The following ATP11A variants were observed in gnomAD, a reference collection of about 807,000 sequenced individuals.
ATP11A encodes ATPase phospholipid transporting 11A.
In ATP11A, 81 loss-of-function variants were observed where a neutral mutation model predicts 154.4. That is an observed-to-expected ratio of 0.52 (90% CI 0.44 to 0.63). ATP11A has a LOEUF of 0.63. Among genes scored for constraint, ATP11A ranks in the 30% least tolerant of loss-of-function variants. ATP11A has a pLI of 0.00. For synonymous variants in ATP11A, 623 were observed against 585.9 expected (o/e 1.06, Z -0.91); for missense variants, 1,316 against 1,474.3 (o/e 0.89, Z 1.76).
At chr13:112,724,114 G>GCCCCCTTCTCCCCCATCGCCCCCTTCA (rs1424801433) in intron 1 of ATP11A, among the ~76,000 whole-genome samples, 1 of 40,938 alleles carries the variant, frequency 2.4e-5, no homozygotes, top group Non-Finnish European at 4.8e-5. Context: ...CGCCCCCTTC[G>GCCCCCTTCTCCCCCATCGCCCCCTTCA]CCCCCTTCTC....
intron 25 of ATP11A, among the ~76,000 whole-genome samples, 187 bp from the exon 26 acceptor site, chr13:112,871,548 C>T (rs567438592): frequency 6.6e-6 from 1 of 152,142 alleles, no homozygotes; most frequent in African/African-American, 2.4e-5. Flanking sequence ...TGGGGGCGTC[C>T]TGCCGTGCTC....
At chr13:112,811,574 T>TC (rs1490567596) in intron 5 of ATP11A, 1 of 152,168 alleles carries the variant, frequency 6.6e-6, no homozygotes, top group African/African-American at 2.4e-5. Context: ...ACAGAAAACT[T>TC]CATTGAAGAT....
chr13:112,789,051 C>T (rs895182032), intron 2 of ATP11A, among the ~76,000 whole-genome samples: 9 of 151,766 alleles, frequency 5.9e-5, no homozygotes, highest in African/African-American at 1.9e-4. Context: ...ACTTCATTTA[C>T]ACCAGGTGTC....
At chr13:112,726,502 G>T (rs1361866712) in intron 1 of ATP11A, among the ~76,000 whole-genome samples, 1 of 152,216 alleles carries the variant, frequency 6.6e-6, no homozygotes, top group African/African-American at 2.4e-5. Flanking sequence ...GCTTTTCCCG[G>T]CAGATTCCCA....
intron 1 of ATP11A, among the ~76,000 whole-genome samples, chr13:112,723,638 C>T (rs1178015575): frequency 2.6e-5 from 4 of 151,738 alleles, no homozygotes; most frequent in Non-Finnish European, 5.9e-5. Flanking sequence ...TGTCTAAACC[C>T]CAAAAGGGAG....
chr13:112,703,633 G>A (rs1886833043), intron 1 of ATP11A, among the ~76,000 whole-genome samples: 1 of 152,170 alleles, frequency 6.6e-6, no homozygotes, highest in Non-Finnish European at 1.5e-5. Context: ...TTTAAGTTGT[G>A]GAACAAAGTT....
chr13:112,840,840 G>T (rs2079393204), intron 16 of ATP11A, among the ~76,000 whole-genome samples: 1 of 151,958 alleles, frequency 6.6e-6, no homozygotes, highest in African/African-American at 2.4e-5. Context: ...CGGGTCGTCA[G>T]CCCGAGAGCG....
intron 1 of ATP11A, among the ~76,000 whole-genome samples, chr13:112,764,188 T>C (rs12323207): frequency 0.071 from 10,804 of 152,248 alleles, 1,303 homozygotes; most frequent in African/African-American, 0.25. Context: ...ACCCTGACCC[T>C]AGGCGTCCTG....
intron 12 of ATP11A, among the ~76,000 whole-genome samples, chr13:112,828,118 G>GAAACGCCCCGCAGTGTTGAGTGCGGGGGA (rs143513857): frequency 8.2e-6 from 1 of 122,388 alleles, no homozygotes; most frequent in Non-Finnish European, 1.7e-5. Context: ...TGAGTGGGGG[G>GAAACGCCCCGCAGTGTTGAGTGCGGGGGA]AAGCGCCCAG....
At chr13:112,718,219 A>G (rs1181743593) in intron 1 of ATP11A, among the ~76,000 whole-genome samples, 1 of 152,000 alleles carries the variant, frequency 6.6e-6, no homozygotes, top group Admixed American at 6.5e-5. Flanking sequence ...AAGAACACTC[A>G]TTGCTTTTAC....
chr13:112,814,128 A>G (rs139022643), intron 5 of ATP11A, among the ~76,000 whole-genome samples: 247 of 152,072 alleles, frequency 1.6e-3, no homozygotes, highest in African/African-American at 5.3e-3. Flanking sequence ...CAGTGGCGCA[A>G]TCTCGGCTCA....
At chr13:112,820,714 G>A (rs1161526660) in intron 8 of ATP11A, among the ~76,000 whole-genome samples, 3 of 152,218 alleles carry the variant, frequency 2.0e-5, no homozygotes, top group Admixed American at 1.3e-4. Flanking sequence ...ACAGTTTAGG[G>A]AATTGGCTTT....
intron 23 of ATP11A, 148 bp from the exon 24 acceptor site, chr13:112,860,139 T>A: frequency 1.3e-6 from 1 of 778,376 alleles, no homozygotes; most frequent in Non-Finnish European, 1.9e-6. Context: ...TCACAGTTGA[T>A]ATCACAGACC....
chr13:112,740,144 C>CTATATATATATATATATATATATAGA (rs1384293062), intron 1 of ATP11A, among the ~76,000 whole-genome samples: 1 of 107,308 alleles, frequency 9.3e-6, no homozygotes, highest in Admixed American at 9.4e-5. Flanking sequence ...CTCTCTCTCT[C>CTATATATATATATATATATATATAGA]TCTCTATATA....
At chr13:112,837,973 A>G (rs1243396887) in intron 16 of ATP11A, among the ~76,000 whole-genome samples, 1 of 152,044 alleles carries the variant, frequency 6.6e-6, no homozygotes, top group Admixed American at 6.5e-5. Context: ...CCTTAGACAC[A>G]GTCCCACTGT....
chr13:112,871,489 A>C (rs555727010), intron 25 of ATP11A, among the ~76,000 whole-genome samples: 2 of 152,274 alleles, frequency 1.3e-5, no homozygotes, highest in South Asian at 2.1e-4. Context: ...GCAGGCTCTG[A>C]GCCCATCACC....
At chr13:112,839,647 A>G (rs1223171066) in intron 16 of ATP11A, among the ~76,000 whole-genome samples, 4 of 152,194 alleles carry the variant, frequency 2.6e-5, no homozygotes, top group African/African-American at 7.2e-5. Context: ...CTGTGTGTGC[A>G]CGGTCTTCAG....
At chr13:112,789,649 C>G (rs1459837335) in intron 2 of ATP11A, among the ~76,000 whole-genome samples, 1 of 151,004 alleles carries the variant, frequency 6.6e-6, no homozygotes, top group Admixed American at 6.6e-5. Context: ...CATGTAGACC[C>G]CTGTGGAGAC....
At chr13:112,834,758 T>G in intron 15 of ATP11A, 98 bp downstream of exon 15, 1 of 970,636 alleles carries the variant, frequency 1.0e-6, no homozygotes, top group Non-Finnish European at 1.6e-6. Flanking sequence ...GTTCTCTATG[T>G]TCTCCCACAA....
Sources: gnomAD v4.1 joint callset for allele counts (sites outside exome capture counted in the v4.1 genomes callset) on GRCh38, gnomAD v4.1.1 for gene constraint, MANE v1.5 for transcripts, NCBI Gene and HGNC (gene_info 2026-07-23, HGNC 2026-07-21) for gene names.